The following PLAC1 variants were observed in gnomAD, a reference collection of about 807,000 sequenced individuals.
The protein encoded by PLAC1 is placenta-specific protein 1.
For missense variants in PLAC1, 136 were observed against 163.2 expected, an observed-to-expected ratio of 0.83 and a Z score of 0.91; for synonymous variants, 68 against 62.1, an observed-to-expected ratio of 1.09 and a Z score of -0.44.
chrX:134,618,366 T>A (rs2078194810), intron 1 of PLAC1, among the ~76,000 whole-genome samples: 1 of 111,594 alleles, frequency 9.0e-6, no homozygotes, highest in Admixed American at 9.5e-5. Context: ...GCATTGCTAT[T>A]TATTAAGCAC....
intron 2 of PLAC1, among the ~76,000 whole-genome samples, chrX:134,685,164 T>C (rs1465787844): frequency 1.8e-5 from 2 of 111,756 alleles, no homozygotes; most frequent in Non-Finnish European, 3.8e-5. Context: ...TCCCCTGCTA[T>C]ATTTGAGTTG....
rs138067942 is a variant in PLAC1 at position 134,737,882 on chromosome X, T to C, written n.90-4363A>G. ...TCGCTGAAGGCAAATGCTTATGGTG[T>C]TTGAATGAACTGATTTAGAAGTGAG... is the stretch of plus-strand genomic sequence containing the variant. On this transcript the variant is annotated intron_variant and non_coding_transcript_variant, in intron 1 of 2. Transcript: ENST00000466797. 4.6e-3 allele frequency among the ~76,000 whole-genome samples: 517 copies of C among 112,373 alleles called. 4 individuals are homozygous for C. Among genetic ancestry groups the C allele is most frequent in the African/African-American group, 0.016 (493 of 30,961 alleles).
chrX:134,655,123 G>A (rs1036545448), intron 1 of PLAC1, among the ~76,000 whole-genome samples: 3 of 111,126 alleles, frequency 2.7e-5, no homozygotes, highest in Non-Finnish European at 5.7e-5. Flanking sequence ...GGGGCAGAAA[G>A]GTTCCCCCCA....
chrX:134,763,183 T>A (rs927402380), intron 1 of PLAC1, among the ~76,000 whole-genome samples: 1 of 111,157 alleles, frequency 9.0e-6, no homozygotes, highest in Non-Finnish European at 1.9e-5. Context: ...CCCACAGGTC[T>A]CCGAGGGAGA....
chrX:134,602,124 T>C lies in PLAC1; in HGVS notation c.-130-2A>G, dbSNP rs770102727. On this transcript the variant is annotated splice_acceptor_variant, in intron 1 of 2. Coordinates refer to ENST00000359237, the MANE Select transcript of PLAC1 (RefSeq NM_021796.4). LOFTEE classifies it low-confidence loss of function (5UTR_SPLICE). ...CTTTGTGCTCACTGGTGAAGGCAGC[T>C]GGAACAGAAAAAGCATGACAGACAA... 5.3e-5 allele frequency: 6 copies of C among 112,692 alleles called. No individual in the cohort carries two copies. The highest frequency in any genetic ancestry group is 4.6e-3 in the Middle Eastern group (1 of 219). 9.3% of individuals were successfully genotyped at this position (112,692 alleles called of 1,213,427 possible). A position where few individuals can be genotyped will look rare whatever the true frequency, so the allele number is the denominator to read the frequency against.
chrX:134,748,254 C>T (rs1433453511), intron 1 of PLAC1, among the ~76,000 whole-genome samples: 2 of 106,467 alleles, frequency 1.9e-5, no homozygotes, highest in Non-Finnish European at 3.8e-5. Flanking sequence ...CACTTGAACC[C>T]GGGAGGCGGA....
chrX:134,703,779 G>T (rs1327797303), intron 2 of PLAC1, among the ~76,000 whole-genome samples: 1 of 109,448 alleles, frequency 9.1e-6, no homozygotes, highest in African/African-American at 3.3e-5. Context: ...ATTCCGGGGG[G>T]TATTGAAGAG....
intron 1 of PLAC1, among the ~76,000 whole-genome samples, chrX:134,759,537 G>A (rs968064806): frequency 1.2e-4 from 13 of 111,374 alleles, no homozygotes; most frequent in Middle Eastern, 9.2e-3. Context: ...ACTAAACATA[G>A]AATTGCCATT....
chrX:134,732,894 CCAG>C (rs532029133), intron 2 of PLAC1, among the ~76,000 whole-genome samples: 2 of 111,977 alleles, frequency 1.8e-5, no homozygotes, highest in South Asian at 7.6e-4. Flanking sequence ...GGTTACTTAA[CCAG>C]CTTGGAGTAA....
intron 1 of PLAC1, among the ~76,000 whole-genome samples, chrX:134,618,893 T>C (rs1438545119): frequency 4.4e-5 from 5 of 112,598 alleles, no homozygotes; most frequent in Non-Finnish European, 9.4e-5. Flanking sequence ...GGTTGACAAC[T>C]GAGGACAAGG....
intron 1 of PLAC1, among the ~76,000 whole-genome samples, chrX:134,737,037 T>C (rs964154220): frequency 8.9e-6 from 1 of 112,426 alleles, no homozygotes; most frequent in Admixed American, 9.4e-5. Context: ...TAAATCAAAA[T>C]AGCAGTGTAT....
intron 1 of PLAC1, among the ~76,000 whole-genome samples, chrX:134,738,306 C>A (rs987305978): frequency 1.8e-5 from 2 of 112,220 alleles, no homozygotes; most frequent in Non-Finnish European, 3.8e-5. Context: ...GAAGCACTTT[C>A]CCAGCGCACA....
chrX:134,661,443 C>G (rs1208301415), upstream of PLAC1, among the ~76,000 whole-genome samples: 1 of 111,242 alleles, frequency 9.0e-6, no homozygotes, highest in Non-Finnish European at 1.9e-5. Context: ...AAATCACAGC[C>G]CTGGGAGGAG....
At chrX:134,679,062 G>T (rs1218535525) in intron 2 of PLAC1, among the ~76,000 whole-genome samples, 2 of 111,776 alleles carry the variant, frequency 1.8e-5, no homozygotes, top group African/African-American at 6.5e-5. Context: ...CTGACACCTT[G>T]ATTTGGGACT....
At chrX:134,582,373 A>G (rs1463892309) in intron 2 of PLAC1, among the ~76,000 whole-genome samples, 4 of 112,290 alleles carry the variant, frequency 3.6e-5, no homozygotes, top group African/African-American at 9.7e-5. Context: ...TCTGATTTTC[A>G]GGGAGGAGTA....
chrX:134,675,623 C>T (rs1483994892), intron 2 of PLAC1, among the ~76,000 whole-genome samples: 1 of 109,896 alleles, frequency 9.1e-6, no homozygotes, highest in East Asian at 2.8e-4. Context: ...CAAGTTTGTG[C>T]CATTGCACTC....
At chrX:134,733,876 C>T (rs759734734) in intron 1 of PLAC1, among the ~76,000 whole-genome samples, 2 of 109,843 alleles carry the variant, frequency 1.8e-5, no homozygotes, top group Non-Finnish European at 3.8e-5. Context: ...GCGTTCACTG[C>T]CCTTCCCTTA....
intron 1 of PLAC1, among the ~76,000 whole-genome samples, chrX:134,755,040 T>C (rs986219947): frequency 1.8e-5 from 2 of 111,820 alleles, no homozygotes; most frequent in Non-Finnish European, 3.8e-5. Flanking sequence ...CAATTTATCA[T>C]GTAAATTTGC....
At chrX:134,704,063 T>C (rs1429193071) in intron 2 of PLAC1, among the ~76,000 whole-genome samples, 4 of 104,841 alleles carry the variant, frequency 3.8e-5, no homozygotes, top group Non-Finnish European at 7.8e-5. Flanking sequence ...CGTGGGTGTA[T>C]GTAAAATTTT....
Sources: gnomAD v4.1 joint callset for allele counts (sites outside exome capture counted in the v4.1 genomes callset) on GRCh38, gnomAD v4.1.1 for gene constraint, MANE v1.5 for transcripts, NCBI Gene and HGNC (gene_info 2026-07-23, HGNC 2026-07-21) for gene names.